Variants in ATXN8OS observed in about 807,000 individuals in gnomAD.
ATXN8OS encodes ATXN8 opposite strand (non-protein coding).
chr13:70,152,505 GT>G (rs1954732367), intron 4 of ATXN8OS, among the ~76,000 whole-genome samples: 1 of 151,874 alleles, frequency 6.6e-6, no homozygotes, highest in Admixed American at 6.6e-5. Context: ...ATATGTGTGT[GT>G]TTAATTGTTG....
At chr13:70,142,601 T>C (rs1166482441) in intron 3 of ATXN8OS, among the ~76,000 whole-genome samples, 2 of 152,238 alleles carry the variant, frequency 1.3e-5, no homozygotes, top group African/African-American at 2.4e-5. Flanking sequence ...ACCATGGAAA[T>C]AGTAATTACT....
intron 2 of ATXN8OS, among the ~76,000 whole-genome samples, chr13:70,123,473 A>G (rs1038999351): frequency 6.6e-6 from 1 of 152,214 alleles, no homozygotes; most frequent in Admixed American, 6.6e-5. Context: ...GAACACCCCT[A>G]TGTTCCTACG....
At chr13:70,108,193 G>A (rs929622124) in intron 1 of ATXN8OS, 7 of 396,274 alleles carry the variant, frequency 1.8e-5, no homozygotes, top group East Asian at 3.6e-5. Context: ...TCTGGAGAGC[G>A]CAGAGAGAAA....
At chr13:70,164,315 C>T (rs978365764) in intron 4 of ATXN8OS, among the ~76,000 whole-genome samples, 1 of 151,474 alleles carries the variant, frequency 6.6e-6, no homozygotes, top group South Asian at 2.1e-4. Context: ...TTATCCCTCT[C>T]CCCTCTTTAC....
chr13:70,115,003 CTCAAAA>C (rs1443320960), intron 1 of ATXN8OS: 4 of 390,878 alleles, frequency 1.0e-5, no homozygotes, highest in Admixed American at 4.5e-5. Flanking sequence ...TCCTGGTATT[CTCAAAA>C]TTGAGCTCTC....
intron 4 of ATXN8OS, among the ~76,000 whole-genome samples, chr13:70,158,144 G>A (rs1470515930): frequency 6.6e-6 from 1 of 152,180 alleles, no homozygotes; most frequent in Non-Finnish European, 1.5e-5. Flanking sequence ...GCAGAGGCTG[G>A]CGTGGTGGCT....
At chr13:70,146,284 G>A (rs1465798842) in intron 3 of ATXN8OS, among the ~76,000 whole-genome samples, 16 of 145,296 alleles carry the variant, frequency 1.1e-4, no homozygotes, top group African/African-American at 3.6e-4. Flanking sequence ...GAGAGGATGT[G>A]GAGAAATAGG....
intron 4 of ATXN8OS, among the ~76,000 whole-genome samples, chr13:70,152,958 C>T (rs990853273): frequency 1.1e-4 from 17 of 148,200 alleles, no homozygotes; most frequent in Non-Finnish European, 2.2e-4. Context: ...ATGAAGGAGC[C>T]TAATCAGAAG....
At chr13:70,153,589 A>C (rs1388580357) in intron 4 of ATXN8OS, among the ~76,000 whole-genome samples, 3 of 152,182 alleles carry the variant, frequency 2.0e-5, no homozygotes, top group Non-Finnish European at 2.9e-5. Context: ...AAAATAAATA[A>C]AAATAAACAA....
chr13:70,140,674 G>A (rs549722180), intron 3 of ATXN8OS, among the ~76,000 whole-genome samples: 43 of 152,052 alleles, frequency 2.8e-4, no homozygotes, highest in African/African-American at 9.9e-4. Context: ...TCCTCTTTAG[G>A]CACTTTATCT....
intron 2 of ATXN8OS, among the ~76,000 whole-genome samples, chr13:70,115,931 G>A (rs1472559226): frequency 6.6e-6 from 1 of 151,978 alleles, no homozygotes; most frequent in Non-Finnish European, 1.5e-5. Flanking sequence ...TGTATATTCA[G>A]TTTATCAAAC....
At chr13:70,142,209 G>A (rs931434408) in intron 3 of ATXN8OS, among the ~76,000 whole-genome samples, 2 of 152,076 alleles carry the variant, frequency 1.3e-5, no homozygotes, top group East Asian at 3.9e-4. Context: ...ACAGAATATG[G>A]GTATTTGTGT....
intron 3 of ATXN8OS, among the ~76,000 whole-genome samples, chr13:70,145,642 G>T (rs1888773484): frequency 6.6e-6 from 1 of 151,894 alleles, no homozygotes; most frequent in African/African-American, 2.4e-5. Context: ...TCATGATTTG[G>T]CTCTCTGTTT....
chr13:70,142,594 A>G (rs1050153237), intron 3 of ATXN8OS, among the ~76,000 whole-genome samples: 11 of 152,342 alleles, frequency 7.2e-5, no homozygotes, highest in African/African-American at 2.4e-4. Flanking sequence ...TAACTGCACC[A>G]TGGAAATAGT....
At chr13:70,130,422 C>G (rs1239546409) in intron 3 of ATXN8OS, among the ~76,000 whole-genome samples, 2 of 152,060 alleles carry the variant, frequency 1.3e-5, no homozygotes, top group African/African-American at 4.8e-5. Context: ...TTCATATTAA[C>G]ATACTAAGAA....
intron 1 of ATXN8OS, among the ~76,000 whole-genome samples, chr13:70,111,187 G>T (rs1229250042): frequency 6.6e-6 from 1 of 152,170 alleles, no homozygotes; most frequent in Non-Finnish European, 1.5e-5. Context: ...TCAAGCATGG[G>T]TGTAAAATGT....
At chr13:70,153,448 G>T (rs976987612) in intron 4 of ATXN8OS, among the ~76,000 whole-genome samples, 1 of 151,988 alleles carries the variant, frequency 6.6e-6, no homozygotes, top group African/African-American at 2.4e-5. Context: ...GGCAGTGTGC[G>T]CCTGTGATCC....
At chr13:70,132,959 A>T (rs962421196) in intron 3 of ATXN8OS, among the ~76,000 whole-genome samples, 1 of 152,172 alleles carries the variant, frequency 6.6e-6, no homozygotes, top group African/African-American at 2.4e-5. Context: ...CATGGAAGCC[A>T]CTATTTCAAG....
chr13:70,117,241 T>C (rs1888292907), intron 2 of ATXN8OS, among the ~76,000 whole-genome samples: 1 of 151,972 alleles, frequency 6.6e-6, no homozygotes, highest in Non-Finnish European at 1.5e-5. Flanking sequence ...CATACACATA[T>C]GCACACACAA....
Sources: allele counts gnomAD v4.1 joint callset (sites outside exome capture counted in the v4.1 genomes callset), GRCh38; gene constraint gnomAD v4.1.1; transcripts MANE v1.5; gene names NCBI Gene and HGNC (gene_info 2026-07-23, HGNC 2026-07-21).